ROR2: variants seen among roughly 807,000 people sequenced by gnomAD.
The protein encoded by ROR2 is ROR family WNT receptor 2, also known as tyrosine-protein kinase transmembrane receptor ROR2.
A neutral mutation model predicts 74.9 loss-of-function variants in ROR2; 33 were observed. The ratio of observed to expected loss-of-function variants is 0.44; its 90% confidence interval spans 0.33 to 0.59. The LOEUF (loss-of-function observed/expected upper bound fraction) is 0.59. ROR2 is among the 20% of genes least tolerant of loss of function. The pLI is 0.02. For missense variants in ROR2, 1,216 were observed against 1,313.8 expected (o/e 0.93, Z 1.15); for synonymous variants, 586 against 558.7 (o/e 1.05, Z -0.69).
At chr9:91,845,176 T>C (rs1023229237) in intron 1 of ROR2, among the ~76,000 whole-genome samples, 2 of 152,010 alleles carry the variant, frequency 1.3e-5, no homozygotes, top group Non-Finnish European at 2.9e-5. Context: ...AGTGAAAGCC[T>C]CTGCACGCAC....
In ROR2 at chr9:91,789,163, TTTGA is replaced by T. The variant is rs549428497; in HGVS notation, c.98-13349_98-13346del. On this transcript the variant is annotated intron_variant, in intron 1 of 8. Coordinates refer to ENST00000375708, the MANE Select transcript of ROR2 (RefSeq NM_004560.4). ...GTGATGGACATGGTACTTACCCCAA[TTTGA>T]TTATTATACAATGCATACATGCACT... 2.6e-5 allele frequency among the ~76,000 whole-genome samples: 4 copies of T among 152,322 alleles called. No individual in the cohort carries two copies. The South Asian group carries it at 8.3e-4, about 32-fold the overall frequency.
At chr9:91,772,653 C>T (rs1170406556) in intron 2 of ROR2, among the ~76,000 whole-genome samples, 2 of 152,208 alleles carry the variant, frequency 1.3e-5, no homozygotes, top group Non-Finnish European at 2.9e-5. Context: ...CCACCTTTAG[C>T]GTCCGTGTTT....
intron 1 of ROR2, among the ~76,000 whole-genome samples, chr9:91,899,839 C>T (rs73519162): frequency 6.6e-6 from 1 of 152,124 alleles, no homozygotes; most frequent in Admixed American, 6.5e-5. Flanking sequence ...CACCAGGAAA[C>T]TGGTCGCAAA....
chr9:91,859,084 C>T (rs983966974), intron 1 of ROR2, among the ~76,000 whole-genome samples: 2 of 152,118 alleles, frequency 1.3e-5, no homozygotes, highest in Non-Finnish European at 2.9e-5. Flanking sequence ...AGTACAAGGC[C>T]CAGCCTGGTC....
At chr9:91,816,459 C>T (rs572405931) in intron 1 of ROR2, among the ~76,000 whole-genome samples, 29 of 152,314 alleles carry the variant, frequency 1.9e-4, no homozygotes, top group African/African-American at 6.3e-4. Context: ...TCAGATCACC[C>T]ACGCTCTTTC....
At chr9:91,948,856 C>G (rs1243918585) in intron 1 of ROR2, 5 of 985,344 alleles carry the variant, frequency 5.1e-6, no homozygotes, top group East Asian at 2.3e-4. Context: ...CCTCCACCCC[C>G]GCAGGGTGCC....
intron 1 of ROR2, among the ~76,000 whole-genome samples, chr9:91,850,514 G>A (rs1344832011): frequency 1.3e-5 from 2 of 152,172 alleles, no homozygotes; most frequent in Non-Finnish European, 2.9e-5. Context: ...GGGAAACCAT[G>A]CTGCTGGCTC....
At chr9:91,823,314 T>C (rs905745999) in intron 1 of ROR2, among the ~76,000 whole-genome samples, 3 of 152,124 alleles carry the variant, frequency 2.0e-5, no homozygotes, top group Non-Finnish European at 2.9e-5. Flanking sequence ...TGTCAACAAC[T>C]TATTTTCAAA....
At position 91,787,211 on chromosome 9, in the gene ROR2, G is replaced by T. The variant is rs909706070; in HGVS notation, c.98-11393C>A. On this transcript the variant is annotated intron_variant, in intron 1 of 8. Coordinates refer to ENST00000375708, the MANE Select transcript of ROR2 (RefSeq NM_004560.4). ...TCAGATGTGACCCCACAGAATCCAG[G>T]GTTTAAAAATAAAAAGAGGCTGGGT... is the stretch of plus-strand genomic sequence containing the variant. Among the ~76,000 whole-genome samples, 6 of 152,280 alleles carry T rather than the reference G, an allele frequency of 3.9e-5. No homozygotes were observed. The East Asian group carries it at 7.7e-4, about 20-fold the overall frequency.
At chr9:91,732,696 G>A (rs1837288087) in intron 6 of ROR2, among the ~76,000 whole-genome samples, 1 of 152,218 alleles carries the variant, frequency 6.6e-6, no homozygotes, top group African/African-American at 2.4e-5. Flanking sequence ...GGCAGGAGTT[G>A]AGAGTCTGCA....
At chr9:91,771,061 G>C (rs1251290646) in intron 2 of ROR2, among the ~76,000 whole-genome samples, 1 of 152,152 alleles carries the variant, frequency 6.6e-6, no homozygotes, top group East Asian at 1.9e-4. Flanking sequence ...AAATAGCAGG[G>C]AACAGCCTAG....
rs1825077257 is a variant in ROR2 at position 91,737,595 on chromosome 9, C to T, written c.495-77G>A. 5.6e-6 allele frequency: 9 copies of T among 1,603,868 alleles called. No homozygotes were observed. In the East Asian group the frequency reaches 1.8e-4, roughly 32 times the overall value. On this transcript the variant is annotated intron_variant, in intron 4 of 8. Transcript: ENST00000375708. ...GCCAATGACTTCTTTTATGATCCAGCATCTTGCGATCCAGCAATTTTGTTA... is the reference window on the plus strand; with the variant it reads ...GCCAATGACTTCTTTTATGATCCAGTATCTTGCGATCCAGCAATTTTGTTA...
intron 1 of ROR2, among the ~76,000 whole-genome samples, chr9:91,928,973 A>T (rs35936686): frequency 6.6e-6 from 1 of 152,360 alleles, no homozygotes; most frequent in Admixed American, 6.5e-5. Flanking sequence ...CTGGCAAGAA[A>T]ACCAGCCATG....
intron 1 of ROR2, among the ~76,000 whole-genome samples, chr9:91,949,652 G>A (rs1381912695): frequency 6.6e-6 from 1 of 152,120 alleles, no homozygotes; most frequent in Non-Finnish European, 1.5e-5. Flanking sequence ...AAACACTTAG[G>A]CGTCCCCAGA....
At chr9:91,810,587 G>A (rs1024588129) in intron 1 of ROR2, among the ~76,000 whole-genome samples, 6 of 152,134 alleles carry the variant, frequency 3.9e-5, no homozygotes, top group Non-Finnish European at 5.9e-5. Flanking sequence ...TACCGTTAGC[G>A]GCAGCAACAC....
intron 4 of ROR2, among the ~76,000 whole-genome samples, chr9:91,751,091 A>G (rs1825582926): frequency 6.6e-6 from 1 of 152,180 alleles, no homozygotes; most frequent in African/African-American, 2.4e-5. Flanking sequence ...GCACACCCGT[A>G]ATCCTGCTTC....
intron 1 of ROR2, among the ~76,000 whole-genome samples, chr9:91,778,246 A>G (rs1039390879): frequency 5.9e-5 from 9 of 152,250 alleles, no homozygotes; most frequent in African/African-American, 2.2e-4. Flanking sequence ...ATGGGTACAC[A>G]TACTGAGCAC....
chr9:91,806,792 T>C (rs1356575550), intron 1 of ROR2, among the ~76,000 whole-genome samples: 1 of 152,146 alleles, frequency 6.6e-6, no homozygotes, highest in Non-Finnish European at 1.5e-5. Flanking sequence ...GGTTTCACCG[T>C]GTTAGCCAGG....
chr9:91,785,418 T>C (rs753726877), intron 1 of ROR2, among the ~76,000 whole-genome samples: 3 of 152,242 alleles, frequency 2.0e-5, no homozygotes, highest in Non-Finnish European at 4.4e-5. Context: ...GCACTGTGTG[T>C]GCACACATGC....
Sources: gnomAD v4.1 joint callset for allele counts (sites outside exome capture counted in the v4.1 genomes callset) on GRCh38, gnomAD v4.1.1 for gene constraint, MANE v1.5 for transcripts, NCBI Gene and HGNC (gene_info 2026-07-23, HGNC 2026-07-21) for gene names.